MTUS2: variants seen among roughly 807,000 people sequenced by gnomAD.
MTUS2 encodes the protein microtubule-associated tumor suppressor candidate 2.
Under a neutral mutation model 114.1 loss-of-function variants are expected in MTUS2, and 40 were observed. The observed-to-expected ratio is 0.35, with a 90% CI of 0.27 to 0.46. MTUS2 has a LOEUF of 0.46. Among genes scored for constraint, MTUS2 ranks in the 20% least tolerant of loss-of-function variants. The pLI, the probability that MTUS2 is intolerant of heterozygous loss-of-function variation, is 1.00. For missense variants in MTUS2, 1,679 were observed against 1,705.4 expected (o/e 0.98, Z 0.27); for synonymous variants, 688 against 672.0 (o/e 1.02, Z -0.37).
chr13:29,180,134 A>G (rs1218448916), intron 5 of MTUS2, among the ~76,000 whole-genome samples: 1 of 152,210 alleles, frequency 6.6e-6, no homozygotes, highest in African/African-American at 2.4e-5. Flanking sequence ...ACCCTCTTCT[A>G]AGGGGTTGAA....
chr13:29,081,557 T>G (rs148832818), intron 4 of MTUS2, among the ~76,000 whole-genome samples: 23 of 150,844 alleles, frequency 1.5e-4, no homozygotes, highest in Non-Finnish European at 2.2e-4. Flanking sequence ...TGTCTGGAAC[T>G]CCAAAGTGTT....
intron 4 of MTUS2, among the ~76,000 whole-genome samples, chr13:29,042,602 TTTTC>T (rs1326472718): frequency 6.6e-6 from 1 of 152,108 alleles, no homozygotes; most frequent in African/African-American, 2.4e-5. Flanking sequence ...GTCCTGGACT[TTTTC>T]TTGTTGGCAA....
At chr13:28,830,801 A>G (rs1874618236) in intron 1 of MTUS2, among the ~76,000 whole-genome samples, 1 of 152,192 alleles carries the variant, frequency 6.6e-6, no homozygotes, top group South Asian at 2.1e-4. Flanking sequence ...TGTACAGAGG[A>G]TCTTCAATAA....
chr13:29,318,220 T>C (rs768012297), intron 6 of MTUS2, among the ~76,000 whole-genome samples: 3 of 152,046 alleles, frequency 2.0e-5, no homozygotes, highest in Non-Finnish European at 4.4e-5. Flanking sequence ...TTGCAGCCTA[T>C]TGTATGTGAG....
At chr13:29,432,010 ATTTTT>A (rs57182093) in intron 8 of MTUS2, among the ~76,000 whole-genome samples, 1 of 81,036 alleles carries the variant, frequency 1.2e-5, no homozygotes, top group Non-Finnish European at 2.5e-5. Flanking sequence ...ACGCTCAGCT[ATTTTT>A]TTTTTTTTTT....
chr13:29,169,127 A>G (rs1893446791), intron 5 of MTUS2, among the ~76,000 whole-genome samples: 1 of 152,172 alleles, frequency 6.6e-6, no homozygotes, highest in Admixed American at 6.5e-5. Flanking sequence ...AAGCAAATGA[A>G]ATCAAAATTA....
intron 9 of MTUS2, among the ~76,000 whole-genome samples, chr13:29,459,593 A>C (rs1288332184): frequency 1.3e-5 from 2 of 152,168 alleles, no homozygotes; most frequent in African/African-American, 4.8e-5. Context: ...AACTAGAAAC[A>C]TGTTTTCCTC....
At chr13:28,861,564 A>G (rs1205671238) in intron 2 of MTUS2, among the ~76,000 whole-genome samples, 1 of 151,968 alleles carries the variant, frequency 6.6e-6, no homozygotes, top group Non-Finnish European at 1.5e-5. Flanking sequence ...GCAGTCAGTC[A>G]GTAGGCAATA....
chr13:28,994,727 T>C (rs953404075), intron 2 of MTUS2, among the ~76,000 whole-genome samples: 56 of 152,302 alleles, frequency 3.7e-4, no homozygotes, highest in African/African-American at 9.6e-4. Flanking sequence ...TCATGTCCTT[T>C]GCCCACTTTT....
intron 13 of MTUS2, among the ~76,000 whole-genome samples, chr13:29,498,209 A>G (rs749698399): frequency 5.3e-5 from 8 of 152,136 alleles, no homozygotes; most frequent in Admixed American, 1.3e-4. Flanking sequence ...CTGTTCCCCC[A>G]CAGAACTGGA....
At chr13:29,087,579 T>A (rs533401966) in intron 4 of MTUS2, among the ~76,000 whole-genome samples, 168 of 152,198 alleles carry the variant, frequency 1.1e-3, no homozygotes, top group Non-Finnish European at 1.4e-3. Context: ...CATGTGTCTC[T>A]GTCAGGTTTT....
chr13:28,994,374 G>A (rs554771824), intron 2 of MTUS2, among the ~76,000 whole-genome samples: 7 of 152,290 alleles, frequency 4.6e-5, no homozygotes, highest in Non-Finnish European at 8.8e-5. Flanking sequence ...GTGTGCATGC[G>A]TCTTTATAGC....
At chr13:29,143,905 A>G (rs933171652) in intron 5 of MTUS2, among the ~76,000 whole-genome samples, 3 of 152,258 alleles carry the variant, frequency 2.0e-5, no homozygotes, top group African/African-American at 7.2e-5. Context: ...AAGAGATATT[A>G]GAGGGAAAAG....
chr13:29,063,301 G>A (rs561486080), intron 4 of MTUS2, among the ~76,000 whole-genome samples: 7 of 152,230 alleles, frequency 4.6e-5, no homozygotes, highest in African/African-American at 1.4e-4. Flanking sequence ...TGTGCATATG[G>A]TAAATGCAAC....
rs56095961 is a variant in MTUS2 at position 29,244,955 on chromosome 13, C to CAAAAAAAAAAAAAAA, written c.2645-36737_2645-36723dup. On this transcript the variant is annotated intron_variant, in intron 5 of 15. Transcript: ENST00000612955. Reference sequence around the variant, plus strand: ...TGGGCGACAGAGCGAGACTCCGTCTCAAAAAAAAAAAAAAAAAAAAAAAAA... The same window carrying CAAAAAAAAAAAAAAA: ...TGGGCGACAGAGCGAGACTCCGTCTCAAAAAAAAAAAAAAAAAAAAAAAAAAAAAAAAAAAAAAAA... Among the ~76,000 whole-genome samples, 129 of 60,496 alleles carry CAAAAAAAAAAAAAAA rather than the reference C, an allele frequency of 2.1e-3. 1 individual carries two copies. Among genetic ancestry groups the CAAAAAAAAAAAAAAA allele is most frequent in the East Asian group, 4.9e-3 (8 of 1,618 alleles). The allele number at this position is 60,496 out of a possible 152,430, so 39.7% of individuals were successfully genotyped here.
At chr13:29,328,429 G>T (rs1900620546) in intron 7 of MTUS2, among the ~76,000 whole-genome samples, 1 of 152,204 alleles carries the variant, frequency 6.6e-6, no homozygotes, top group Non-Finnish European at 1.5e-5. Context: ...GCCTTAAAAA[G>T]GCCAGACCTC....
chr13:29,113,196 C>T (rs564194490), intron 5 of MTUS2, among the ~76,000 whole-genome samples: 1 of 152,266 alleles, frequency 6.6e-6, no homozygotes, highest in South Asian at 2.1e-4. Context: ...ATACATACAA[C>T]TCTATGGAAG....
At chr13:28,966,391 T>A (rs529966339) in intron 2 of MTUS2, among the ~76,000 whole-genome samples, 3 of 152,220 alleles carry the variant, frequency 2.0e-5, no homozygotes, top group Admixed American at 6.5e-5. Context: ...CAAGTTCTTA[T>A]TAGATAATTT....
intron 2 of MTUS2, among the ~76,000 whole-genome samples, chr13:28,941,260 G>A (rs948569533): frequency 6.6e-5 from 10 of 151,642 alleles, no homozygotes; most frequent in Admixed American, 3.9e-4. Context: ...CATTAATGTG[G>A]GTATATTCTG....
Sources: gnomAD v4.1 joint callset for allele counts (sites outside exome capture counted in the v4.1 genomes callset) on GRCh38, gnomAD v4.1.1 for gene constraint, MANE v1.5 for transcripts, NCBI Gene and HGNC (gene_info 2026-07-23, HGNC 2026-07-21) for gene names.